The following CHCHD3 variants were observed in gnomAD, a reference collection of about 807,000 sequenced individuals.
CHCHD3 encodes the protein coiled-coil-helix-coiled-coil-helix domain containing 3.
Under a neutral mutation model 38.2 loss-of-function variants are expected in CHCHD3, and 20 were observed. The observed-to-expected ratio is 0.52, with a 90% CI of 0.37 to 0.76. The LOEUF is 0.76. Ranked by LOEUF, CHCHD3 falls within the 30% of genes least tolerant of loss-of-function variation. The pLI is 0.00. For missense variants in CHCHD3, 245 were observed against 279.2 expected (o/e 0.88, Z 0.87); for synonymous variants, 82 against 100.0 (o/e 0.82, Z 1.07).
At chr7:132,805,238 C>T (rs1006679345) in intron 6 of CHCHD3, among the ~76,000 whole-genome samples, 6 of 151,978 alleles carry the variant, frequency 3.9e-5, no homozygotes, top group Admixed American at 2.6e-4. Context: ...CACAAGGCAA[C>T]CGAAGTGTCA....
At chr7:132,964,505 C>A (rs1585680470) in intron 4 of CHCHD3, among the ~76,000 whole-genome samples, 1 of 152,108 alleles carries the variant, frequency 6.6e-6, no homozygotes, top group Non-Finnish European at 1.5e-5. Flanking sequence ...CACTTGAACC[C>A]GGGAGGCGGA....
chr7:132,920,900 A>G (rs182024057), intron 4 of CHCHD3, among the ~76,000 whole-genome samples: 2 of 152,292 alleles, frequency 1.3e-5, no homozygotes, highest in African/African-American at 2.4e-5. Flanking sequence ...CAAACCTTAC[A>G]TGCTGAGACA....
At chr7:132,933,817 A>C (rs1343255815) in intron 4 of CHCHD3, among the ~76,000 whole-genome samples, 3 of 152,240 alleles carry the variant, frequency 2.0e-5, no homozygotes, top group African/African-American at 7.2e-5. Context: ...AGAAGAAGAG[A>C]CAATGTGCCA....
At chr7:132,850,220 C>A (rs574474357) in intron 5 of CHCHD3, among the ~76,000 whole-genome samples, 1 of 152,166 alleles carries the variant, frequency 6.6e-6, no homozygotes, top group Non-Finnish European at 1.5e-5. Flanking sequence ...CCATGTTGAA[C>A]TCTAGCATCA....
At chr7:132,955,310 A>G (rs1585671869) in intron 4 of CHCHD3, among the ~76,000 whole-genome samples, 1 of 151,604 alleles carries the variant, frequency 6.6e-6, no homozygotes, top group Admixed American at 6.6e-5. Context: ...CAAAGCAAAC[A>G]CCTCTACACT....
intron 4 of CHCHD3, among the ~76,000 whole-genome samples, chr7:132,923,864 G>C (rs1341558471): frequency 6.6e-6 from 1 of 152,138 alleles, no homozygotes; most frequent in African/African-American, 2.4e-5. Flanking sequence ...ACTTGATTTA[G>C]AGAAGGAATG....
intron 5 of CHCHD3, among the ~76,000 whole-genome samples, chr7:132,871,912 C>A (rs1010296397): frequency 6.6e-6 from 1 of 151,784 alleles, no homozygotes; most frequent in African/African-American, 2.4e-5. Flanking sequence ...GTCAATTATA[C>A]AAAACAAACA....
chr7:133,038,929 C>G (rs1257704141), intron 2 of CHCHD3, among the ~76,000 whole-genome samples: 1 of 152,150 alleles, frequency 6.6e-6, no homozygotes, highest in East Asian at 1.9e-4. Context: ...TATATTATAT[C>G]CAACATTACA....
intron 4 of CHCHD3, among the ~76,000 whole-genome samples, chr7:132,899,136 G>T (rs1775593906): frequency 6.6e-6 from 1 of 152,218 alleles, no homozygotes; most frequent in South Asian, 2.1e-4. Flanking sequence ...AGCGAGCGAG[G>T]GCTGTGAGGA....
At chr7:133,075,150 CTTTT>C (rs938295665) in intron 1 of CHCHD3, among the ~76,000 whole-genome samples, 1 of 152,070 alleles carries the variant, frequency 6.6e-6, no homozygotes, top group African/African-American at 2.4e-5. Flanking sequence ...TTCTTGTTAA[CTTTT>C]TTTTCTTTTT....
intron 4 of CHCHD3, among the ~76,000 whole-genome samples, chr7:132,916,889 T>C (rs1159057858): frequency 2.0e-5 from 3 of 152,224 alleles, no homozygotes; most frequent in African/African-American, 7.2e-5. Flanking sequence ...CTACTATCCC[T>C]AATTTATAAA....
intron 1 of CHCHD3, among the ~76,000 whole-genome samples, chr7:133,070,615 G>A (rs962039397): frequency 6.6e-6 from 1 of 151,998 alleles, no homozygotes; most frequent in Non-Finnish European, 1.5e-5. Flanking sequence ...AGTCCCGAAG[G>A]AAAGTGTTCC....
rs142305026 is a variant in CHCHD3 at position 132,968,697 on chromosome 7, C to T, written c.369+6472G>A. Reference sequence around the variant, plus strand: ...AAAGAACCCGGGAAACCACTGCTTACACTGCAATTTCGTTCACCTGGCTAA... The same window carrying T: ...AAAGAACCCGGGAAACCACTGCTTATACTGCAATTTCGTTCACCTGGCTAA... On this transcript the variant is annotated intron_variant, in intron 4 of 7. Coordinates refer to ENST00000262570, the MANE Select transcript of CHCHD3 (RefSeq NM_017812.4). Among the ~76,000 whole-genome samples the T allele has an allele frequency of 7.0e-3, 1,072 of 152,300 alleles. 11 individuals are homozygous for T. The highest frequency in any genetic ancestry group is 0.024 in the African/African-American group (997 of 41,558).
intron 1 of CHCHD3, among the ~76,000 whole-genome samples, chr7:133,079,589 G>A (rs1273114742): frequency 2.0e-5 from 3 of 152,182 alleles, no homozygotes; most frequent in East Asian, 1.9e-4. Context: ...AACCAATCAA[G>A]GGAAGTGATG....
intron 4 of CHCHD3, among the ~76,000 whole-genome samples, chr7:132,963,321 A>ATTTT (rs1491027554): frequency 2.3e-5 from 3 of 130,210 alleles, no homozygotes; most frequent in South Asian, 2.6e-4. Flanking sequence ...TTAAAATTGT[A>ATTTT]ATTTTTTTTT....
rs189455203 is a variant in CHCHD3 at position 133,034,669 on chromosome 7, A to T, written c.170-10042T>A. On this transcript the variant is annotated intron_variant, in intron 2 of 7. Transcript: ENST00000262570. ...ACATGCTGGAAGGCCCCCTCCCAGG[A>T]AAAGTACTCTCGAACCAGCGTCTGG... The T allele has an allele frequency of 7.3e-3, 11,734 of 1,613,278 alleles. 80 individuals are homozygous for T. The highest frequency in any genetic ancestry group is 0.015 in the Middle Eastern group (92 of 6,060).
At chr7:132,971,509 C>T (rs927164924) in intron 4 of CHCHD3, among the ~76,000 whole-genome samples, 3 of 152,136 alleles carry the variant, frequency 2.0e-5, no homozygotes, top group African/African-American at 7.2e-5. Context: ...TGACTTTGCC[C>T]TTCAAAGAGC....
intron 1 of CHCHD3, among the ~76,000 whole-genome samples, chr7:133,077,523 C>T (rs1815037810): frequency 6.6e-6 from 1 of 152,244 alleles, no homozygotes; most frequent in African/African-American, 2.4e-5. Flanking sequence ...GTCTGGAAAG[C>T]ATGATAAATA....
intron 2 of CHCHD3, among the ~76,000 whole-genome samples, chr7:133,063,490 C>G (rs571418733): frequency 6.6e-6 from 1 of 152,318 alleles, no homozygotes; most frequent in African/African-American, 2.4e-5. Flanking sequence ...TGCTGTCTCA[C>G]GCATTTGAGG....
Sources: allele counts gnomAD v4.1 joint callset (sites outside exome capture counted in the v4.1 genomes callset), GRCh38; gene constraint gnomAD v4.1.1; transcripts MANE v1.5; gene names NCBI Gene and HGNC (gene_info 2026-07-23, HGNC 2026-07-21).